Variants in ZNF561 observed in about 807,000 individuals in gnomAD.
The protein encoded by ZNF561 is zinc finger protein 561.
In ZNF561, 16 loss-of-function variants were observed where a neutral mutation model predicts 16.7. The ratio of observed to expected loss-of-function variants is 0.96; its 90% CI spans 0.65 to 1.45. The LOEUF (loss-of-function observed/expected upper bound fraction) is 1.45, where lower values mean the gene tolerates loss of function less well. ZNF561 is among the 40% of genes most tolerant of loss of function. The pLI, the probability that ZNF561 is intolerant of heterozygous loss-of-function variation, is 0.00. For synonymous variants in ZNF561, 190 were observed against 192.1 expected (o/e 0.99, Z 0.09); for missense variants, 580 against 578.0 (o/e 1.00, Z -0.04).
chr19:9,611,698 G>C (rs1054746529), intron 5 of ZNF561, among the ~76,000 whole-genome samples: 3 of 152,012 alleles, frequency 2.0e-5, no homozygotes, highest in Admixed American at 6.6e-5. Flanking sequence ...GCCTGCCTCG[G>C]CCTCCCAAAG....
At position 9,617,070 on chromosome 19, in the gene ZNF561, C is replaced by T. The variant is rs1367930115; in HGVS notation, c.216G>A (p.Glu72=). Residue 72 remains glutamate (E), a synonymous_variant, in exon 4 of 6, where the codon GAG becomes GAA. Coordinates refer to ENST00000302851, the MANE Select transcript of ZNF561 (RefSeq NM_152289.3). ...CCACAGAGGCCAGGTTCATGTAGTT[C>T]TCCAGCATCACATCTCTGTAGAGGT... The part of the protein sequence containing the change: ...EKYLYRDVML[E]NYMNLASVEW... 2 of 1,612,786 alleles carry T rather than the reference C, an allele frequency of 1.2e-6. No individual in the cohort carries two copies. Among genetic ancestry groups the T allele is most frequent in the Non-Finnish European group, 1.7e-6 (2 of 1,179,146 alleles).
rs2074396886 is a variant in ZNF561 at position 9,608,909 on chromosome 19, ACATAAACAGGCCATGAGAAACTGCC to A, written c.*1266_*1290del. Reference sequence around the variant, plus strand: ...CTCAGAACAGGCCCCCCAAATTTGGACATAAACAGGCCATGAGAAACTGCCCATAAACAAAATCTCTGCGGCACTG... The same window carrying A: ...CTCAGAACAGGCCCCCCAAATTTGGACATAAACAAAATCTCTGCGGCACTG... On this transcript the variant is annotated 3_prime_UTR_variant, in exon 6 of 6. Coordinates refer to ENST00000302851, the MANE Select transcript of ZNF561 (RefSeq NM_152289.3). 1 of 152,152 alleles carries A rather than the reference ACATAAACAGGCCATGAGAAACTGCC, an allele frequency of 6.6e-6. No individual in the cohort carries two copies. The highest frequency in any genetic ancestry group is 6.5e-5 in the Admixed American group (1 of 15,276). The allele number at this position is 152,152 out of a possible 1,614,324, so 9.4% of individuals were successfully genotyped here. A position where few individuals can be genotyped will look rare whatever the true frequency, so the allele number is the denominator to read the frequency against.
chr19:9,619,913 A>ATC (rs1329201491), intron 1 of ZNF561, among the ~76,000 whole-genome samples: 23 of 98,044 alleles, frequency 2.3e-4, no homozygotes, highest in African/African-American at 9.8e-4. Flanking sequence ...CTATCTATCT[A>ATC]TATCTATCCT....
intron 4 of ZNF561, among the ~76,000 whole-genome samples, chr19:9,615,901 C>G (rs1281178876): frequency 6.6e-6 from 1 of 151,384 alleles, no homozygotes; most frequent in Non-Finnish European, 1.5e-5. Flanking sequence ...AAAAAAAAAG[C>G]AGAAATAAAG....
Position 9,611,073 on chromosome 19 carries a change from G to T in ZNF561, c.588C>A (p.Pro196=). The change falls in exon 6 of 6, where the codon CCC becomes CCA. Residue 196 remains proline, a synonymous_variant. Transcript: ENST00000302851. Reference sequence around the variant, plus strand: ...CTTTTCCACATTCCTTACATTTGTAGGGTTGTCTTGCATTGAGAACTTCAA... The same window carrying T: ...CTTTTCCACATTCCTTACATTTGTATGGTTGTCTTGCATTGAGAACTTCAA... ...VHLEVLNARQ[P]YKCKECGKGF... 6.2e-7 allele frequency: 1 copy of T among 1,614,128 alleles called. No homozygotes were observed. Among genetic ancestry groups the T allele is most frequent in the Non-Finnish European group, 8.5e-7 (1 of 1,180,002 alleles).
chr19:9,610,834 T>G lies in ZNF561; in HGVS notation c.827A>C (p.Lys276Thr). Residue 276 changes from lysine (K) to threonine (T), a missense_variant, in exon 6 of 6, where the codon AAA becomes ACA. By Grantham distance (78) the Lys-to-Thr change is moderately conservative. Coordinates refer to ENST00000302851, the MANE Select transcript of ZNF561 (RefSeq NM_152289.3). ...SQLYAPVKTHKGEKSFECKEC... is the reference protein window; with the variant it reads ...SQLYAPVKTHTGEKSFECKEC... ...TTTACATTCAAAGGACTTCTCTCCTTTATGAGTTTTCACAGGTGCATAAAG... is the reference window on the plus strand; with the variant it reads ...TTTACATTCAAAGGACTTCTCTCCTGTATGAGTTTTCACAGGTGCATAAAG... The G allele has an allele frequency of 6.2e-7, 1 of 1,614,148 alleles. No individual in the cohort carries two copies. The highest frequency in any genetic ancestry group is 1.1e-5 in the South Asian group (1 of 91,086).
rs1189015392 is a variant in ZNF561 at position 9,607,582 on chromosome 19, A to G, written c.*2618T>C. On this transcript the variant is annotated 3_prime_UTR_variant, in exon 6 of 6. Coordinates refer to ENST00000302851, the MANE Select transcript of ZNF561 (RefSeq NM_152289.3). The stretch of plus-strand genomic sequence containing the variant: ...AAAATAAAAACCTACAGCCAAGCCA[A>G]TAAAATAGAGCACGTATCTCAGCAG... The G allele has an allele frequency of 6.6e-6, 1 of 152,242 alleles. No homozygotes were observed. Among genetic ancestry groups the G allele is most frequent in the Non-Finnish European group, 1.5e-5 (1 of 68,052 alleles). The allele number at this position is 152,242 out of a possible 1,614,324, so 9.4% of individuals were successfully genotyped here. A position where few individuals can be genotyped will look rare whatever the true frequency, so the allele number is the denominator to read the frequency against.
intron 3 of ZNF561, 76 bp downstream of exon 3, chr19:9,618,015 G>C: frequency 7.4e-7 from 1 of 1,354,262 alleles, no homozygotes; most frequent in South Asian, 1.3e-5. Context: ...CTGAAGATGA[G>C]TCTGTCTAGA....
intron 2 of ZNF561, 64 bp downstream of exon 2, chr19:9,619,368 C>A (rs568326770): frequency 1.1e-5 from 17 of 1,570,702 alleles, no homozygotes; most frequent in Non-Finnish European, 4.4e-6. Flanking sequence ...GCTCACTGGA[C>A]GCTTGTGTTG....
In ZNF561 at chr19:9,610,059, AG is replaced by A. The variant is rs2074417086; in HGVS notation, c.*140del. 1.3e-6 allele frequency: 1 copy of A among 744,324 alleles called. No homozygotes were observed. Among genetic ancestry groups the A allele is most frequent in the African/African-American group, 1.8e-5 (1 of 56,572 alleles). 46.1% of individuals were successfully genotyped at this position (744,324 alleles called of 1,614,324 possible). A position where few individuals can be genotyped will look rare whatever the true frequency, so the allele number is the denominator to read the frequency against. ...CTCAGGCAACCATGATGTTGTATTC[AG>A]AACCTGTAGGTTTAATTTCAGACCC... is the stretch of plus-strand genomic sequence containing the variant. On this transcript the variant is annotated 3_prime_UTR_variant, in exon 6 of 6. Coordinates refer to ENST00000302851, the MANE Select transcript of ZNF561 (RefSeq NM_152289.3).
intron 3 of ZNF561, 103 bp from the exon 4 acceptor site, chr19:9,617,274 C>G: frequency 6.9e-7 from 1 of 1,448,048 alleles, no homozygotes; most frequent in Non-Finnish European, 9.2e-7. Context: ...ACGTGGTTGT[C>G]AGGTCTCCCA....
rs1202717372 is a variant in ZNF561, at chr19:9,614,097, T to A, written c.248A>T (p.Glu83Val). 1 of 1,614,056 alleles carries A rather than the reference T, an allele frequency of 6.2e-7. No homozygotes were observed. The stretch of plus-strand genomic sequence containing the variant: ...TGACCGTTTGGTTCTAGGTTGTATT[T>A]CCCATTCTAAAGTTAAGCAGAAAAA... ...NYMNLASVEW[E>V]IQPRTKRSSL... Residue 83 changes from glutamate to valine, a missense_variant, in exon 5 of 6, where the codon GAA (glutamate) becomes GTA (valine). Transcript: ENST00000302851.
chr19:9,619,569 G>T lies in ZNF561; in HGVS notation c.-113C>A. 2 of 1,000,568 alleles carry T rather than the reference G, an allele frequency of 2.0e-6. No homozygotes were observed. Among genetic ancestry groups the T allele is most frequent in the Non-Finnish European group, 3.0e-6 (2 of 655,934 alleles). 62.0% of individuals were successfully genotyped at this position (1,000,568 alleles called of 1,614,324 possible). ...GCAATCTCCATTCCTCTTTGTACAGGGTTATTTGCGGTCCTGTTCATATCA... is the reference window on the plus strand; with the variant it reads ...GCAATCTCCATTCCTCTTTGTACAGTGTTATTTGCGGTCCTGTTCATATCA... On this transcript the variant is annotated 5_prime_UTR_variant, in exon 2 of 6. Transcript: ENST00000302851.
chr19:9,615,366 G>A (rs2074535245), intron 4 of ZNF561, among the ~76,000 whole-genome samples: 1 of 151,770 alleles, frequency 6.6e-6, no homozygotes, highest in African/African-American at 2.4e-5. Flanking sequence ...GGAGGTCGAG[G>A]TGGGTGGATC....
chr19:9,612,145 T>C (rs150943930), intron 5 of ZNF561, among the ~76,000 whole-genome samples: 681 of 150,604 alleles, frequency 4.5e-3, no homozygotes, highest in Non-Finnish European at 8.3e-3. Flanking sequence ...CCAGGCTGGT[T>C]TTGAACCCCT....
In ZNF561 at chr19:9,609,075, C is replaced by T. The variant is rs1186044477; in HGVS notation, c.*1125G>A. 1 of 152,202 alleles carries T rather than the reference C, an allele frequency of 6.6e-6. No homozygotes were observed. The highest frequency in any genetic ancestry group is 1.5e-5 in the Non-Finnish European group (1 of 68,038). 9.4% of individuals were successfully genotyped at this position (152,202 alleles called of 1,614,324 possible). ...AAACTGGAAAACTGCTCAGGCATTC[C>T]TAAACCACAAACAATACCATGAGTG... is the stretch of plus-strand genomic sequence containing the variant. On this transcript the variant is annotated 3_prime_UTR_variant, in exon 6 of 6. Transcript: ENST00000302851.
intron 4 of ZNF561, 95 bp from the exon 5 acceptor site, chr19:9,614,198 A>G: frequency 6.8e-7 from 1 of 1,478,352 alleles, no homozygotes; most frequent in Non-Finnish European, 9.3e-7. Context: ...AAACACAGCA[A>G]TAAAATAAAA....
chr19:9,617,209 C>A (rs1413909816), intron 3 of ZNF561, 38 bp from the exon 4 acceptor site: 4 of 1,598,280 alleles, frequency 2.5e-6, no homozygotes, highest in South Asian at 2.2e-5. Context: ...AGCCAATGAA[C>A]ACTTCCACCA....
At chr19:9,618,203 G>A in intron 2 of ZNF561, 24 bp from the exon 3 acceptor site, 1 of 1,541,382 alleles carries the variant, frequency 6.5e-7, no homozygotes, top group Non-Finnish European at 8.8e-7. Context: ...AAGAAGGCAT[G>A]AGAAGCCAGA....
Sources: gnomAD v4.1 joint callset for allele counts (sites outside exome capture counted in the v4.1 genomes callset) on GRCh38, gnomAD v4.1.1 for gene constraint, MANE v1.5 for transcripts, NCBI Gene and HGNC (gene_info 2026-07-23, HGNC 2026-07-21) for gene names.